FAM171A1: variants seen among roughly 807,000 people sequenced by gnomAD.
FAM171A1 encodes family with sequence similarity 171 member A1.
Under a neutral mutation model 74.9 loss-of-function variants are expected in FAM171A1, and 23 were observed. The ratio of observed to expected loss-of-function variants is 0.31; its 90% CI spans 0.22 to 0.44. The LOEUF (loss-of-function observed/expected upper bound fraction) is 0.44, where lower values mean the gene tolerates loss of function less well. Ranked by LOEUF, FAM171A1 falls within the 20% of genes least tolerant of loss-of-function variation. FAM171A1 has a pLI of 1.00. For missense variants in FAM171A1, 1,162 were observed against 1,159.2 expected (o/e 1.00, Z -0.03); for synonymous variants, 527 against 505.7 (o/e 1.04, Z -0.57).
At chr10:15,347,653 T>C (rs1379355942) in intron 1 of FAM171A1, among the ~76,000 whole-genome samples, 1 of 151,730 alleles carries the variant, frequency 6.6e-6, no homozygotes, top group African/African-American at 2.4e-5. Context: ...CTGGCCAACA[T>C]GGTGAAATCC....
intron 3 of FAM171A1, among the ~76,000 whole-genome samples, chr10:15,268,536 G>A (rs1350241847): frequency 4.6e-5 from 7 of 152,060 alleles, no homozygotes; most frequent in Non-Finnish European, 1.0e-4. Flanking sequence ...AGCTCTATGT[G>A]TCCATACTGA....
At chr10:15,330,932 C>T (rs2883023) in intron 1 of FAM171A1, among the ~76,000 whole-genome samples, 67,248 of 150,634 alleles carry the variant, frequency 0.45, 15,429 homozygotes, top group East Asian at 0.8. Flanking sequence ...CTGCATTGCC[C>T]AGGCTGGAGT....
intron 1 of FAM171A1, among the ~76,000 whole-genome samples, chr10:15,312,673 G>GGTTTT (rs1835374892): frequency 5.5e-5 from 2 of 36,382 alleles, no homozygotes; most frequent in African/African-American, 2.3e-4. Flanking sequence ...AGCACTGTGT[G>GGTTTT]TTTTTTTTTT....
rs371232132 is a variant in FAM171A1, at chr10:15,342,767, C to T, written c.97+28189G>A. ...GAGAAAATAGACATGAATTTTAATT[C>T]AGATTTGAGACACTCTAGAAGGCAA... On this transcript the variant is annotated intron_variant, in intron 1 of 7. Coordinates refer to ENST00000378116, the MANE Select transcript of FAM171A1 (RefSeq NM_001010924.2). 9.2e-5 allele frequency among the ~76,000 whole-genome samples: 14 copies of T among 152,282 alleles called. 1 individual carries two copies. The highest frequency in any genetic ancestry group is 3.1e-4 in the African/African-American group (13 of 41,550).
chr10:15,304,733 CCT>C (rs538818759), intron 1 of FAM171A1, among the ~76,000 whole-genome samples: 1 of 151,982 alleles, frequency 6.6e-6, no homozygotes, highest in Non-Finnish European at 1.5e-5. Context: ...TCCCTCTCTC[CCT>C]CTCTCTCTGT....
chr10:15,232,246 C>T (rs1243425295), intron 5 of FAM171A1, among the ~76,000 whole-genome samples: 1 of 152,128 alleles, frequency 6.6e-6, no homozygotes, highest in Non-Finnish European at 1.5e-5. Flanking sequence ...CGAGATAAGC[C>T]CACGTTAGGA....
chr10:15,353,051 G>C (rs1043945162), intron 1 of FAM171A1, among the ~76,000 whole-genome samples: 1 of 152,228 alleles, frequency 6.6e-6, no homozygotes, highest in African/African-American at 2.4e-5. Context: ...CTACAAACTT[G>C]ACCAGACTGC....
intron 1 of FAM171A1, among the ~76,000 whole-genome samples, chr10:15,335,136 T>C (rs1356562445): frequency 6.6e-6 from 1 of 152,082 alleles, no homozygotes; most frequent in African/African-American, 2.4e-5. Context: ...CTCAGCTACT[T>C]GGGAGGCTGA....
At chr10:15,346,817 G>C (rs1835821532) in intron 1 of FAM171A1, among the ~76,000 whole-genome samples, 1 of 152,204 alleles carries the variant, frequency 6.6e-6, no homozygotes, top group Admixed American at 6.5e-5. Context: ...ATCCTCCAGA[G>C]TCTTCTGAGA....
At chr10:15,338,682 C>A (rs1039722194) in intron 1 of FAM171A1, among the ~76,000 whole-genome samples, 2 of 152,188 alleles carry the variant, frequency 1.3e-5, no homozygotes, top group African/African-American at 2.4e-5. Context: ...CACCCCAGCA[C>A]CGACAGTTAG....
At chr10:15,300,923 C>T (rs970248215) in intron 1 of FAM171A1, among the ~76,000 whole-genome samples, 1 of 152,130 alleles carries the variant, frequency 6.6e-6, no homozygotes, top group Non-Finnish European at 1.5e-5. Flanking sequence ...GATCACGAAG[C>T]GTCTACAGAA....
At chr10:15,282,136 A>T (rs1054117131) in intron 2 of FAM171A1, among the ~76,000 whole-genome samples, 1 of 152,142 alleles carries the variant, frequency 6.6e-6, no homozygotes, top group Non-Finnish European at 1.5e-5. Context: ...GCTGGAGTGC[A>T]GTGGCTCCAT....
At chr10:15,315,179 C>T (rs1835407537) in intron 1 of FAM171A1, among the ~76,000 whole-genome samples, 1 of 152,202 alleles carries the variant, frequency 6.6e-6, no homozygotes, top group Non-Finnish European at 1.5e-5. Context: ...GACAGACAGA[C>T]AACATTTCCG....
intron 5 of FAM171A1, among the ~76,000 whole-genome samples, chr10:15,234,721 T>C (rs1255097275): frequency 6.6e-6 from 1 of 151,928 alleles, no homozygotes. Flanking sequence ...GGCGCGATCT[T>C]GGCTCACTGC....
At chr10:15,372,120 A>T (rs1836157078), upstream of FAM171A1, among the ~76,000 whole-genome samples, 1 of 152,180 alleles carries the variant, frequency 6.6e-6, no homozygotes, top group Non-Finnish European at 1.5e-5. Context: ...AAACTGACTT[A>T]GCAGGGTTCT....
At chr10:15,244,508 G>A (rs1834405514) in intron 5 of FAM171A1, among the ~76,000 whole-genome samples, 1 of 152,212 alleles carries the variant, frequency 6.6e-6, no homozygotes, top group Non-Finnish European at 1.5e-5. Context: ...GACAGAGGGA[G>A]ACCCTGTCTC....
chr10:15,249,467 T>C (rs75324037), intron 4 of FAM171A1, among the ~76,000 whole-genome samples: 2 of 152,224 alleles, frequency 1.3e-5, no homozygotes, highest in Non-Finnish European at 2.9e-5. Context: ...GATTTTTCTA[T>C]AATGTGAGAC....
intron 1 of FAM171A1, among the ~76,000 whole-genome samples, chr10:15,291,744 T>A (rs1835104284): frequency 6.6e-6 from 1 of 152,080 alleles, no homozygotes. Context: ...CTTGCTAAAC[T>A]TTCCCCATTC....
At position 15,280,098 on chromosome 10, in the gene FAM171A1, A is replaced by G. The variant is rs117602723; in HGVS notation, c.325+3780T>C. ...TGAGACTTCATCTCAAAAAGAAGAA[A>G]AAAACCCAAAAAATTTGCCAAGAGA... On this transcript the variant is annotated intron_variant, in intron 2 of 7. Coordinates refer to ENST00000378116, the MANE Select transcript of FAM171A1 (RefSeq NM_001010924.2). Among the ~76,000 whole-genome samples, 37 of 152,182 alleles carry G rather than the reference A, an allele frequency of 2.4e-4. No homozygotes were observed. The East Asian group carries it at 7.0e-3, about 29-fold the overall frequency.
Sources: allele counts gnomAD v4.1 joint callset (sites outside exome capture counted in the v4.1 genomes callset), GRCh38; gene constraint gnomAD v4.1.1; transcripts MANE v1.5; gene names NCBI Gene and HGNC (gene_info 2026-07-23, HGNC 2026-07-21).